The following MSRA variants were observed in gnomAD, a reference collection of about 807,000 sequenced individuals.
MSRA encodes mitochondrial peptide methionine sulfoxide reductase.
MSRA carries 54 observed loss-of-function variants against 31.3 expected under a neutral mutation model. That is an observed-to-expected ratio of 1.73 (90% CI 1.39 to 2.17). The LOEUF (loss-of-function observed/expected upper bound fraction) is 2.17, where lower values mean the gene tolerates loss of function less well. Among genes scored for constraint, MSRA ranks in the 30% most tolerant of loss-of-function variants. The pLI, the probability that MSRA is intolerant of heterozygous loss-of-function variation, is 0.00. For missense variants in MSRA, 507 were observed against 300.9 expected, an observed-to-expected ratio of 1.69 and a Z score of -5.07; for synonymous variants, 169 against 116.5, an observed-to-expected ratio of 1.45 and a Z score of -2.90.
rs188245446 is a variant in MSRA at position 10,062,571 on chromosome 8, C to T, written c.142+7913C>T. ...TGAGTTGTTTGAGAGGCCAGGGTTC[C>T]TCTGAGCAGTATCATGCCAACAGAC... On this transcript the variant is annotated intron_variant, in intron 1 of 5. Coordinates refer to ENST00000317173, the MANE Select transcript of MSRA (RefSeq NM_012331.5). Among the ~76,000 whole-genome samples, 4 of 152,258 alleles carry T rather than the reference C, an allele frequency of 2.6e-5. No individual in the cohort carries two copies. In the East Asian group the frequency reaches 7.7e-4, roughly 29 times the overall value.
chr8:10,405,777 G>A (rs1371294584), intron 5 of MSRA, among the ~76,000 whole-genome samples: 1 of 124,728 alleles, frequency 8.0e-6, no homozygotes, highest in Non-Finnish European at 1.9e-5. Context: ...ACACCTATGT[G>A]CTCACACATG....
intron 2 of MSRA, among the ~76,000 whole-genome samples, chr8:10,238,053 C>T (rs1347541182): frequency 6.6e-6 from 1 of 152,190 alleles, no homozygotes; most frequent in Non-Finnish European, 1.5e-5. Flanking sequence ...TTAACCATCC[C>T]ACAAGGTCCT....
intron 1 of MSRA, among the ~76,000 whole-genome samples, chr8:10,156,522 C>G (rs1329877791): frequency 6.6e-6 from 1 of 152,044 alleles, no homozygotes; most frequent in Non-Finnish European, 1.5e-5. Context: ...GTATTCAATG[C>G]TATATCGTTT....
chr8:10,145,493 A>G (rs1387092378), intron 1 of MSRA, among the ~76,000 whole-genome samples: 1 of 152,118 alleles, frequency 6.6e-6, no homozygotes, highest in Non-Finnish European at 1.5e-5. Context: ...CCGCCTGCAT[A>G]ATTCATTTTC....
At chr8:10,153,832 T>C (rs1803923510) in intron 1 of MSRA, among the ~76,000 whole-genome samples, 1 of 152,264 alleles carries the variant, frequency 6.6e-6, no homozygotes, top group African/African-American at 2.4e-5. Flanking sequence ...TCAAATCTCA[T>C]ATTCTTAATT....
At chr8:10,077,531 C>G (rs905676654) in intron 1 of MSRA, among the ~76,000 whole-genome samples, 1 of 141,750 alleles carries the variant, frequency 7.1e-6, no homozygotes, top group Non-Finnish European at 1.5e-5. Context: ...CTATGTTGCC[C>G]AGGCTGGTCT....
At chr8:10,360,360 G>A (rs1006521924) in intron 5 of MSRA, among the ~76,000 whole-genome samples, 1 of 152,206 alleles carries the variant, frequency 6.6e-6, no homozygotes, top group Non-Finnish European at 1.5e-5. Context: ...TGTGGTTGTT[G>A]GTGGTTTCAT....
At chr8:10,292,303 T>C in intron 3 of MSRA, among the ~76,000 whole-genome samples, 1 of 152,162 alleles carries the variant, frequency 6.6e-6, no homozygotes, top group East Asian at 1.9e-4. Context: ...CGAGGGCTCC[T>C]CCGGCCCATA....
At position 10,425,495 on chromosome 8, in the gene MSRA, T is replaced by G. The variant is rs190064016; in HGVS notation, c.544-2653T>G. On this transcript the variant is annotated intron_variant, in intron 5 of 5. Transcript: ENST00000317173. ...CGCTGGCCTCCCTGCGTGGACCCAC[T>G]TCCTCCCACGCTGTGCTCAGAGAAT... 8.6e-3 allele frequency among the ~76,000 whole-genome samples: 1,312 copies of G among 152,302 alleles called. 25 individuals are homozygous for G. Among genetic ancestry groups the G allele is most frequent in the Non-Finnish European group, 0.015 (1,001 of 67,992 alleles).
At chr8:10,306,176 C>T (rs780164670) in intron 4 of MSRA, among the ~76,000 whole-genome samples, 3 of 152,148 alleles carry the variant, frequency 2.0e-5, no homozygotes, top group Non-Finnish European at 2.9e-5. Context: ...TGGTTGGCCC[C>T]TTCCCAACCA....
At chr8:10,349,242 G>A (rs933995160) in intron 5 of MSRA, among the ~76,000 whole-genome samples, 1 of 152,128 alleles carries the variant, frequency 6.6e-6, no homozygotes, top group South Asian at 2.1e-4. Context: ...TCTGCTGGAG[G>A]ATTCACCTTT....
At chr8:10,088,280 C>T (rs1798674020) in intron 1 of MSRA, among the ~76,000 whole-genome samples, 2 of 152,160 alleles carry the variant, frequency 1.3e-5, no homozygotes, top group Admixed American at 1.3e-4. Flanking sequence ...ATGAAGGTTC[C>T]TACAGAAGTT....
At chr8:10,396,285 C>G (rs1358461106) in intron 5 of MSRA, among the ~76,000 whole-genome samples, 1 of 152,208 alleles carries the variant, frequency 6.6e-6, no homozygotes, top group South Asian at 2.1e-4. Flanking sequence ...CTCCAACATC[C>G]TCTCCCCTCC....
At chr8:10,114,332 A>C (rs1800516276) in intron 1 of MSRA, among the ~76,000 whole-genome samples, 1 of 152,166 alleles carries the variant, frequency 6.6e-6, no homozygotes, top group South Asian at 2.1e-4. Context: ...ATATGTTTTC[A>C]ATTATCTGGG....
intron 3 of MSRA, among the ~76,000 whole-genome samples, chr8:10,259,337 T>C (rs1056309119): frequency 3.9e-5 from 6 of 152,016 alleles, no homozygotes; most frequent in Non-Finnish European, 8.8e-5. Context: ...ATTTCTGGAG[T>C]GTTCTGTAAA....
intron 5 of MSRA, among the ~76,000 whole-genome samples, chr8:10,391,852 G>A (rs371089417): frequency 5.3e-5 from 8 of 152,306 alleles, no homozygotes; most frequent in African/African-American, 9.6e-5. Flanking sequence ...TTTAAATACC[G>A]CATTTCACTT....
intron 3 of MSRA, among the ~76,000 whole-genome samples, chr8:10,265,253 G>A (rs919021722): frequency 7.2e-5 from 11 of 152,136 alleles, no homozygotes; most frequent in Non-Finnish European, 1.2e-4. Context: ...GAAGAGGGAG[G>A]CAGAGGACAC....
At chr8:10,359,216 C>T (rs560965663) in intron 5 of MSRA, among the ~76,000 whole-genome samples, 1 of 152,270 alleles carries the variant, frequency 6.6e-6, no homozygotes, top group Non-Finnish European at 1.5e-5. Flanking sequence ...CTCCTCTTCT[C>T]CATTGATTGG....
rs776499009 is a variant in MSRA at position 10,404,711 on chromosome 8, C to G, written c.544-23437C>G. Among the ~76,000 whole-genome samples the G allele has an allele frequency of 2.6e-5, 4 of 152,252 alleles. No individual in the cohort carries two copies. In the East Asian group the frequency reaches 7.7e-4, roughly 29 times the overall value. ...CACAGCCCGGCCCTCCGTGCCTTCT[C>G]GTGGCACCTGCCTGGGGTTTCAGGG... is the stretch of plus-strand genomic sequence containing the variant. On this transcript the variant is annotated intron_variant, in intron 5 of 5. Transcript: ENST00000317173.
Sources: allele counts gnomAD v4.1 joint callset (sites outside exome capture counted in the v4.1 genomes callset), GRCh38; gene constraint gnomAD v4.1.1; transcripts MANE v1.5; gene names NCBI Gene and HGNC (gene_info 2026-07-23, HGNC 2026-07-21).